The following ASB14 variants were observed in gnomAD, a reference collection of about 807,000 sequenced individuals.
ASB14 encodes the protein ankyrin repeat and SOCS box containing 14.
A neutral mutation model predicts 55.6 loss-of-function variants in ASB14; 63 were observed. The observed-to-expected ratio is 1.13, with a 90% CI of 0.92 to 1.40. The LOEUF is 1.40. Ranked by LOEUF, ASB14 falls within the 40% of genes most tolerant of loss-of-function variation. The pLI, the probability that ASB14 is intolerant of heterozygous loss-of-function variation, is 0.00. For synonymous variants in ASB14, 256 were observed against 259.9 expected (o/e 0.98, Z 0.15); for missense variants, 724 against 710.4 (o/e 1.02, Z -0.22).
chr3:57,273,633 T>G (rs1292606022), intron 10 of ASB14, among the ~76,000 whole-genome samples: 1 of 152,176 alleles, frequency 6.6e-6, no homozygotes, highest in African/African-American at 2.4e-5. Context: ...GAAAAGTTTG[T>G]TATAGAAGCA....
chr3:57,292,008 T>C lies in ASB14; in HGVS notation c.26A>G (p.Asp9Gly), dbSNP rs1246415737. The change falls in exon 2 of 11, where the codon GAC becomes GGC. Residue 9 changes from aspartate to glycine, a missense_variant. Transcript: ENST00000487349. The part of the protein sequence containing the change: MDNYTSDE[D>G]IDEDFDTQLI... ...CTGGGTGTCAAAGTCTTCATCTATG[T>C]CTTCATCGCTGGTGTAATTATCCAT... 7 of 1,533,464 alleles carry C rather than the reference T, an allele frequency of 4.6e-6. No individual in the cohort carries two copies. Among genetic ancestry groups the C allele is most frequent in the African/African-American group, 1.4e-5 (1 of 72,968 alleles). 95.0% of individuals were successfully genotyped at this position (1,533,464 alleles called of 1,614,324 possible).
chr3:57,278,069 A>G (rs1338256102), intron 8 of ASB14, 149 bp from the exon 9 acceptor site: 3 of 690,296 alleles, frequency 4.3e-6, no homozygotes, highest in East Asian at 2.8e-5. Context: ...GGTCAACTGT[A>G]CTTATCCTGA....
chr3:57,278,394 CTG>C lies in ASB14; in HGVS notation c.1412_1413del (p.Thr471SerfsTer6), dbSNP rs2061007865. On this transcript the variant is annotated frameshift_variant, in exon 8 of 11. Coordinates refer to ENST00000487349, the MANE Select transcript of ASB14 (RefSeq NM_001142733.3). LOFTEE classifies it high-confidence loss of function. Reference sequence around the variant, plus strand: ...GGACTTACCTTAGTATCTTTGATAACTGTAGATGTCCAGCCTTCAACAGTATA... The same window carrying C: ...GGACTTACCTTAGTATCTTTGATAACTAGATGTCCAGCCTTCAACAGTATA... ...PSYTVEGWTS[T>X]VIKDTKFCEV... The C allele has an allele frequency of 6.2e-7, 1 of 1,613,638 alleles. No individual in the cohort carries two copies. Among genetic ancestry groups the C allele is most frequent in the East Asian group, 2.2e-5 (1 of 44,878 alleles).
intron 9 of ASB14, 126 bp from the exon 10 acceptor site, chr3:57,276,854 A>C: frequency 1.2e-6 from 1 of 850,264 alleles, no homozygotes. Flanking sequence ...TCAATAGGGA[A>C]ACAGTTTTTC....
intron 9 of ASB14, 40 bp from the exon 10 acceptor site, chr3:57,276,768 T>A: frequency 6.8e-7 from 1 of 1,464,444 alleles, no homozygotes; most frequent in Non-Finnish European, 9.3e-7. Context: ...GAAAAAGAAC[T>A]TTTTTTTTAG....
At chr3:57,291,194 CTATT>C (rs756494557) in intron 2 of ASB14, among the ~76,000 whole-genome samples, 3 of 152,186 alleles carry the variant, frequency 2.0e-5, no homozygotes, top group Non-Finnish European at 2.9e-5. Context: ...TTCATTGTCT[CTATT>C]TAGTTATGAA....
intron 3 of ASB14, 76 bp from the exon 4 acceptor site, chr3:57,288,362 A>G (rs2061098438): frequency 7.0e-7 from 1 of 1,431,342 alleles, no homozygotes; most frequent in South Asian, 1.3e-5. Flanking sequence ...CCTGAATTCT[A>G]CCACCAAAGT....
At chr3:57,272,260 T>A (rs1475132466) in intron 10 of ASB14, 1 of 152,208 alleles carries the variant, frequency 6.6e-6, no homozygotes, top group African/African-American at 2.4e-5. Context: ...CCTTCTACCT[T>A]TAAAAATTTT....
At chr3:57,284,130 A>G (rs376885214) in intron 5 of ASB14, among the ~76,000 whole-genome samples, 491 of 45,312 alleles carry the variant, frequency 0.011, 2 homozygotes, top group African/African-American at 0.032. Context: ...GTGTGTATGT[A>G]TGTAAATATA....
At chr3:57,284,344 G>A (rs1579432322) in intron 5 of ASB14, among the ~76,000 whole-genome samples, 2 of 152,134 alleles carry the variant, frequency 1.3e-5, no homozygotes, top group South Asian at 2.1e-4. Flanking sequence ...TGCCCAGGCT[G>A]GTCTTAAACC....
At chr3:57,291,649 T>C (rs1174931068) in intron 2 of ASB14, among the ~76,000 whole-genome samples, 3 of 112,504 alleles carry the variant, frequency 2.7e-5, no homozygotes, top group South Asian at 2.7e-4. Flanking sequence ...TATCCTCCTT[T>C]CTTTCTTCTG....
chr3:57,288,766 G>A (rs973716356), intron 3 of ASB14, among the ~76,000 whole-genome samples: 6 of 135,300 alleles, frequency 4.4e-5, no homozygotes, highest in African/African-American at 1.6e-4. Context: ...CCAGACTGGA[G>A]TGTGGTGGCG....
At chr3:57,277,705 C>A in intron 9 of ASB14, 62 bp downstream of exon 9, 1 of 1,442,532 alleles carries the variant, frequency 6.9e-7, no homozygotes. Flanking sequence ...AATTCTAAAA[C>A]AACCAAATAA....
intron 9 of ASB14, 90 bp downstream of exon 9, chr3:57,277,677 A>G (rs1461513400): frequency 4.2e-6 from 5 of 1,188,442 alleles, no homozygotes; most frequent in South Asian, 1.6e-5. Context: ...GCTTTTAACC[A>G]GAAGAGAAGG....
At chr3:57,283,543 A>C in intron 5 of ASB14, 104 bp from the exon 6 acceptor site, 1 of 1,189,746 alleles carries the variant, frequency 8.4e-7, no homozygotes, top group Non-Finnish European at 1.2e-6. Flanking sequence ...CTTCCCACCC[A>C]CTCCCAGACC....
In ASB14 at chr3:57,283,181, CAGA is replaced by C. The variant is rs1409069402; in HGVS notation, c.715+10_715+12del. On this transcript the variant is annotated intron_variant, in intron 6 of 10. Coordinates refer to ENST00000487349, the MANE Select transcript of ASB14 (RefSeq NM_001142733.3). Reference sequence around the variant, plus strand: ...ACCCTTTGTTAGTGTGCTGACCAAACAGAAGATCTTGCCTTTCCGCAGTAACAT... The same window carrying C: ...ACCCTTTGTTAGTGTGCTGACCAAACAGATCTTGCCTTTCCGCAGTAACAT... 8 of 1,552,170 alleles carry C rather than the reference CAGA, an allele frequency of 5.2e-6. No homozygotes were observed. The highest frequency in any genetic ancestry group is 2.4e-5 in the East Asian group (1 of 40,930).
chr3:57,280,661 A>G (rs2061033119), intron 6 of ASB14, among the ~76,000 whole-genome samples, 188 bp from the exon 7 acceptor site: 2 of 152,064 alleles, frequency 1.3e-5, no homozygotes, highest in Non-Finnish European at 2.9e-5. Flanking sequence ...TTGGGGAAGA[A>G]AAAAATGGCA....
chr3:57,277,566 C>T (rs1400549105), intron 9 of ASB14, among the ~76,000 whole-genome samples: 1 of 151,996 alleles, frequency 6.6e-6, no homozygotes, highest in African/African-American at 2.4e-5. Flanking sequence ...TAAGTAGTTA[C>T]CTAACAGATT....
At chr3:57,288,328 C>T (rs1425857041) in intron 3 of ASB14, 42 bp from the exon 4 acceptor site, 1 of 1,530,666 alleles carries the variant, frequency 6.5e-7, no homozygotes. Flanking sequence ...ATTTGGCACA[C>T]TTACAAGGAA....
Sources: allele counts gnomAD v4.1 joint callset (sites outside exome capture counted in the v4.1 genomes callset), GRCh38; gene constraint gnomAD v4.1.1; transcripts MANE v1.5; gene names NCBI Gene and HGNC (gene_info 2026-07-23, HGNC 2026-07-21).